The following LRRFIP2 variants were observed in gnomAD, a reference collection of about 807,000 sequenced individuals.
LRRFIP2 encodes the protein leucine-rich repeat flightless-interacting protein 2.
LRRFIP2 carries 109 observed loss-of-function variants against 125.9 expected under a neutral mutation model. The ratio of observed to expected loss-of-function variants is 0.87; its 90% CI spans 0.74 to 1.01. The LOEUF is 1.01. LRRFIP2 is among the 50% of genes least tolerant of loss of function. The probability of loss-of-function intolerance (pLI) is 0.00; values close to 1 mark genes in which losing one functional copy is unlikely to be tolerated. For missense variants in LRRFIP2, 850 were observed against 862.3 expected (o/e 0.99, Z 0.18); for synonymous variants, 291 against 293.1 (o/e 0.99, Z 0.07).
intron 1 of LRRFIP2, among the ~76,000 whole-genome samples, chr3:37,168,757 G>C (rs993549091): frequency 6.6e-6 from 1 of 152,132 alleles, no homozygotes; most frequent in Non-Finnish European, 1.5e-5. Flanking sequence ...GATTATAATG[G>C]AGCTGTCCTA....
At chr3:37,095,563 T>C (rs998968165) in intron 16 of LRRFIP2, among the ~76,000 whole-genome samples, 3 of 152,228 alleles carry the variant, frequency 2.0e-5, no homozygotes, top group Non-Finnish European at 4.4e-5. Flanking sequence ...GCATATAGGA[T>C]ACATACCAGA....
chr3:37,066,016 C>G, intron 22 of LRRFIP2, 74 bp from the exon 23 acceptor site: 2 of 1,580,718 alleles, frequency 1.3e-6, no homozygotes, highest in South Asian at 2.2e-5. Flanking sequence ...CACTCTGCAA[C>G]AATACATGTT....
intron 1 of LRRFIP2, among the ~76,000 whole-genome samples, chr3:37,150,208 AT>A (rs1386549466): frequency 1.3e-5 from 2 of 152,190 alleles, no homozygotes; most frequent in Non-Finnish European, 2.9e-5. Flanking sequence ...CACGCCTGTA[AT>A]CCCAGCACTT....
At chr3:37,116,432 C>T (rs1227751698) in intron 6 of LRRFIP2, among the ~76,000 whole-genome samples, 4 of 152,096 alleles carry the variant, frequency 2.6e-5, no homozygotes, top group Non-Finnish European at 5.9e-5. Flanking sequence ...CCACCGTACC[C>T]TGCCCTCAAC....
chr3:37,055,366 G>A (rs1022657609), intron 25 of LRRFIP2, among the ~76,000 whole-genome samples: 2 of 151,990 alleles, frequency 1.3e-5, no homozygotes, highest in Non-Finnish European at 2.9e-5. Context: ...AGATAGAGGC[G>A]ACCATCCTGG....
intron 4 of LRRFIP2, among the ~76,000 whole-genome samples, chr3:37,125,025 C>A (rs1324047772): frequency 1.5e-5 from 2 of 134,708 alleles, no homozygotes; most frequent in Non-Finnish European, 3.1e-5. Flanking sequence ...GCACTAAAGA[C>A]TGGACAAACA....
At chr3:37,107,409 TATTGAGGAGCAGTATGTAATA>T (rs2094381709) in intron 13 of LRRFIP2, among the ~76,000 whole-genome samples, 1 of 152,104 alleles carries the variant, frequency 6.6e-6, no homozygotes, top group East Asian at 1.9e-4. Flanking sequence ...AAAGAAAATA[TATTGAGGAGCAGTATGTAATA>T]TGACCCATTT....
intron 15 of LRRFIP2, among the ~76,000 whole-genome samples, chr3:37,101,835 A>G (rs1156254322): frequency 6.6e-6 from 1 of 152,148 alleles, no homozygotes; most frequent in African/African-American, 2.4e-5. Context: ...TCAGGCTGTT[A>G]TTTTGAGATG....
chr3:37,151,674 T>C (rs1274227414), intron 1 of LRRFIP2, among the ~76,000 whole-genome samples: 2 of 151,716 alleles, frequency 1.3e-5, no homozygotes, highest in Non-Finnish European at 2.9e-5. Flanking sequence ...CTCAGCTCAC[T>C]GCAACCTCCG....
At chr3:37,055,717 C>G (rs2148600517) in intron 25 of LRRFIP2, among the ~76,000 whole-genome samples, 1 of 152,260 alleles carries the variant, frequency 6.6e-6, no homozygotes, top group South Asian at 2.1e-4. Context: ...AAATTCTTTA[C>G]CCTATGATAT....
Position 37,083,673 on chromosome 3 carries a change from A to G in LRRFIP2, c.1241T>C (p.Met414Thr). Residue 414 changes from methionine (M) to threonine (T), a missense_variant, in exon 19 of 28, where the codon ATG becomes ACG. Physicochemically the swap from Met to Thr is moderately conservative, Grantham distance 81 (BLOSUM62 -1). Coordinates refer to ENST00000336686, the MANE Select transcript of LRRFIP2 (RefSeq NM_006309.4). ...TTCATTTTCTCTATAAAATTCTGCC[A>G]TCTGTTCCTCCTGCTCTTCAATAAC... ...KDVIEEQEEQ[M>T]AEFYRENEEK... is the part of the protein sequence containing the mutation. 1 of 1,572,408 alleles carries G rather than the reference A, an allele frequency of 6.4e-7. No individual in the cohort carries two copies. The highest frequency in any genetic ancestry group is 1.2e-5 in the South Asian group (1 of 82,702).
chr3:37,129,830 TAAAA>T (rs973157509), intron 2 of LRRFIP2, among the ~76,000 whole-genome samples: 10 of 151,656 alleles, frequency 6.6e-5, no homozygotes, highest in Admixed American at 2.6e-4. Context: ...CTGTCTCTAC[TAAAA>T]ATAAAAAAAA....
rs1168022103 is a variant in LRRFIP2 at position 37,066,118 on chromosome 3, A to C, written c.1566+106T>G. The C allele has an allele frequency of 3.8e-6, 5 of 1,325,332 alleles. No individual in the cohort carries two copies. The African/African-American group carries it at 7.2e-5, about 19-fold the overall frequency. 82.1% of individuals were successfully genotyped at this position (1,325,332 alleles called of 1,614,324 possible). Reference sequence around the variant, plus strand: ...ACCTACCAAATCTGGATTAGAGAATAAACACTGTAGTTTGTATTTAGGCTA... The same window carrying C: ...ACCTACCAAATCTGGATTAGAGAATCAACACTGTAGTTTGTATTTAGGCTA... On this transcript the variant is annotated intron_variant, in intron 22 of 27. Transcript: ENST00000336686.
intron 15 of LRRFIP2, among the ~76,000 whole-genome samples, chr3:37,098,343 A>G (rs531339663): frequency 1.1e-4 from 17 of 151,354 alleles, no homozygotes; most frequent in African/African-American, 3.6e-4. Context: ...TTTGTTACAT[A>G]TGTATACATG....
intron 20 of LRRFIP2, 84 bp downstream of exon 20, chr3:37,074,940 A>G: frequency 1.0e-4 from 82 of 808,384 alleles, no homozygotes; most frequent in Middle Eastern, 2.3e-4. Context: ...ATGCATCTTA[A>G]CTCTCCTTCC....
intron 25 of LRRFIP2, 26 bp downstream of exon 25, chr3:37,058,764 G>T (rs1369103317): frequency 1.2e-6 from 2 of 1,613,236 alleles, no homozygotes; most frequent in East Asian, 4.5e-5. Context: ...ATACAGACTG[G>T]GACTGGCCTG....
intron 4 of LRRFIP2, among the ~76,000 whole-genome samples, chr3:37,125,049 A>T (rs2095224621): frequency 0.013 from 1 of 80 alleles, no homozygotes; most frequent in Non-Finnish European, 0.042. Context: ...CAACGCCTTA[A>T]AAAAAAAAAG....
chr3:37,126,981 G>A (rs2095300441), intron 4 of LRRFIP2, among the ~76,000 whole-genome samples: 1 of 152,042 alleles, frequency 6.6e-6, no homozygotes, highest in Admixed American at 6.6e-5. Flanking sequence ...AATACCTGTG[G>A]GCATTTCCCA....
At chr3:37,161,356 A>C (rs1210135152) in intron 1 of LRRFIP2, among the ~76,000 whole-genome samples, 3 of 152,078 alleles carry the variant, frequency 2.0e-5, no homozygotes, top group African/African-American at 4.8e-5. Context: ...AGACTGTTTC[A>C]AGAAAGAAAG....
Sources: gnomAD v4.1 joint callset for allele counts (sites outside exome capture counted in the v4.1 genomes callset) on GRCh38, gnomAD v4.1.1 for gene constraint, MANE v1.5 for transcripts, NCBI Gene and HGNC (gene_info 2026-07-23, HGNC 2026-07-21) for gene names.